GPD2: variants seen among roughly 807,000 people sequenced by gnomAD.
The protein encoded by GPD2 is glycerol-3-phosphate dehydrogenase 2, also known as glycerol-3-phosphate dehydrogenase, mitochondrial.
A neutral mutation model predicts 82.4 loss-of-function variants in GPD2; 54 were observed. The ratio of observed to expected loss-of-function variants is 0.66; its 90% CI spans 0.53 to 0.82. The LOEUF (loss-of-function observed/expected upper bound fraction) is 0.82. Ranked by LOEUF, GPD2 falls within the 40% of genes least tolerant of loss-of-function variation. The pLI is 0.00. For missense variants in GPD2, 748 were observed against 896.2 expected (o/e 0.83, Z 2.11); for synonymous variants, 288 against 306.1 (o/e 0.94, Z 0.62).
At chr2:156,582,723 G>A in intron 16 of GPD2, 70 bp from the exon 17 acceptor site, 13 of 1,550,300 alleles carry the variant, frequency 8.4e-6, no homozygotes, top group Non-Finnish European at 1.2e-5. Context: ...CAATTCTAAC[G>A]ATTATGATGC....
chr2:156,401,223 G>C, the GPD2 span, among the ~76,000 whole-genome samples: 6 of 152,146 alleles, frequency 3.9e-5, no homozygotes, highest in African/African-American at 9.7e-5. Flanking sequence ...AATGCTTATA[G>C]CAAATGTGCT....
the GPD2 span, among the ~76,000 whole-genome samples, chr2:156,423,638 A>T: frequency 6.6e-6 from 1 of 152,122 alleles, no homozygotes; most frequent in Non-Finnish European, 1.5e-5. Flanking sequence ...AATATATTTT[A>T]TTTATCTTTG....
the GPD2 span, among the ~76,000 whole-genome samples, chr2:156,404,716 G>T: frequency 1.4e-5 from 2 of 143,816 alleles, no homozygotes; most frequent in Admixed American, 1.4e-4. Context: ...AAAAAGCTGG[G>T]CATGGTGGTG....
At chr2:156,481,576 A>G (rs926807973) in intron 2 of GPD2, among the ~76,000 whole-genome samples, 1 of 151,488 alleles carries the variant, frequency 6.6e-6, no homozygotes, top group Non-Finnish European at 1.5e-5. Flanking sequence ...TCTGTGCCTG[A>G]CTTATTTCAC....
chr2:156,545,112 A>G (rs1267077588), intron 6 of GPD2, among the ~76,000 whole-genome samples: 1 of 152,156 alleles, frequency 6.6e-6, no homozygotes, highest in Non-Finnish European at 1.5e-5. Flanking sequence ...ACATGAGCAT[A>G]CACACGCATG....
chr2:156,463,976 G>T (rs1227414364), intron 1 of GPD2, among the ~76,000 whole-genome samples: 2 of 152,124 alleles, frequency 1.3e-5, no homozygotes, highest in Non-Finnish European at 2.9e-5. Flanking sequence ...CCCTTTTAAA[G>T]AAGAAAAGAA....
At chr2:156,457,517 C>T (rs1054574188) in intron 1 of GPD2, among the ~76,000 whole-genome samples, 1 of 152,176 alleles carries the variant, frequency 6.6e-6, no homozygotes, top group Non-Finnish European at 1.5e-5. Context: ...ATAGAACACT[C>T]TGAAATAAGA....
At chr2:156,485,364 C>G (rs569118614) in intron 2 of GPD2, among the ~76,000 whole-genome samples, 4 of 152,202 alleles carry the variant, frequency 2.6e-5, no homozygotes, top group Admixed American at 6.5e-5. Context: ...GTAGAAATGT[C>G]TCTGCACCAT....
chr2:156,463,346 G>A (rs1177087270), intron 1 of GPD2, among the ~76,000 whole-genome samples: 1 of 152,022 alleles, frequency 6.6e-6, no homozygotes, highest in Non-Finnish European at 1.5e-5. Flanking sequence ...TTTTTTGTGT[G>A]TGTTCTTTGT....
chr2:156,520,391 A>G (rs1412221919), intron 6 of GPD2, among the ~76,000 whole-genome samples: 1 of 152,132 alleles, frequency 6.6e-6, no homozygotes, highest in Non-Finnish European at 1.5e-5. Context: ...ATTGAAGCCA[A>G]CTGTGACTAT....
intron 2 of GPD2, among the ~76,000 whole-genome samples, chr2:156,492,468 T>A (rs912756538): frequency 9.2e-5 from 14 of 151,556 alleles, no homozygotes; most frequent in South Asian, 2.1e-4. Flanking sequence ...TTCTTTTTTT[T>A]AAATTTTAAC....
chr2:156,444,720 T>TACACACACACAC (rs397789170), intron 1 of GPD2, among the ~76,000 whole-genome samples: 1,611 of 150,174 alleles, frequency 0.011, 27 homozygotes, highest in East Asian at 0.01. Context: ...CAAAAACAAA[T>TACACACACACAC]ACACACACAC....
chr2:156,496,174 G>A lies in GPD2; in HGVS notation c.233G>A (p.Gly78Glu), dbSNP rs1057521483. The A allele has an allele frequency of 1.2e-6, 2 of 1,612,916 alleles. No homozygotes were observed. Among genetic ancestry groups the A allele is most frequent in the East Asian group, 2.2e-5 (1 of 44,882 alleles). The stretch of plus-strand genomic sequence containing the variant: ...TTTGATATCCTTGTTATTGGAGGAG[G>A]AGCAACAGGAAGTGGCTGTGCGCTA... ...SEFDILVIGG[G>E]ATGSGCALDA... Residue 78 changes from glycine (G) to glutamate (E), a missense_variant, in exon 3 of 17, where the codon GGA becomes GAA. Gly to Glu is a moderately conservative substitution (Grantham distance 98). Coordinates refer to ENST00000438166, the MANE Select transcript of GPD2 (RefSeq NM_000408.5).
At chr2:156,530,794 G>A (rs1181410762) in intron 6 of GPD2, among the ~76,000 whole-genome samples, 1 of 152,152 alleles carries the variant, frequency 6.6e-6, no homozygotes, top group Non-Finnish European at 1.5e-5. Flanking sequence ...CTTGATCATG[G>A]TGGATAAGCT....
the GPD2 span, among the ~76,000 whole-genome samples, chr2:156,416,877 T>C: frequency 6.6e-6 from 1 of 152,154 alleles, no homozygotes; most frequent in East Asian, 1.9e-4. Context: ...TAGAAAATAT[T>C]GGTGAGGAAG....
intron 8 of GPD2, among the ~76,000 whole-genome samples, chr2:156,552,478 T>G (rs1041522540): frequency 2.6e-5 from 4 of 152,180 alleles, no homozygotes; most frequent in Non-Finnish European, 5.9e-5. Flanking sequence ...GTTTATGAGT[T>G]TTTGTTTGTT....
At chr2:156,535,395 G>T in intron 6 of GPD2, among the ~76,000 whole-genome samples, 1 of 117,982 alleles carries the variant, frequency 8.5e-6, no homozygotes, top group South Asian at 3.6e-4. Flanking sequence ...GACCTGGGGG[G>T]GGGCGGGGAG....
chr2:156,417,029 C>T, the GPD2 span, among the ~76,000 whole-genome samples: 1 of 152,088 alleles, frequency 6.6e-6, no homozygotes, highest in Admixed American at 6.5e-5. Context: ...GTCACTTATT[C>T]CTTTGTAATC....
intron 2 of GPD2, among the ~76,000 whole-genome samples, chr2:156,482,207 A>G (rs555627890): frequency 2.5e-4 from 38 of 152,336 alleles, no homozygotes; most frequent in Non-Finnish European, 4.6e-4. Flanking sequence ...AGCAAATGAT[A>G]TATCCTTCAT....
Sources: allele counts gnomAD v4.1 joint callset (sites outside exome capture counted in the v4.1 genomes callset), GRCh38; gene constraint gnomAD v4.1.1; transcripts MANE v1.5; gene names NCBI Gene and HGNC (gene_info 2026-07-23, HGNC 2026-07-21).